Variants in CP observed in about 807,000 individuals in gnomAD.
The protein encoded by CP is ceruloplasmin.
Under a neutral mutation model 122.4 loss-of-function variants are expected in CP, and 64 were observed. That is an observed-to-expected ratio of 0.52 (90% CI 0.43 to 0.64). The LOEUF (loss-of-function observed/expected upper bound fraction) is 0.64. Among genes scored for constraint, CP ranks in the 30% least tolerant of loss-of-function variants. The pLI, the probability that CP is intolerant of heterozygous loss-of-function variation, is 0.00. For synonymous variants in CP, 440 were observed against 436.4 expected, an observed-to-expected ratio of 1.01 and a Z score of -0.10; for missense variants, 1,167 against 1,284.4, an observed-to-expected ratio of 0.91 and a Z score of 1.40.
In CP at chr3:149,187,367, ATT is replaced by A. The variant is rs745742479; in HGVS notation, c.1865-637_1865-636del. Among the ~76,000 whole-genome samples the A allele has an allele frequency of 1.7e-4, 26 of 152,324 alleles. No homozygotes were observed. In the East Asian group the frequency reaches 4.2e-3, roughly 25 times the overall value. On this transcript the variant is annotated intron_variant, in intron 10 of 18. Transcript: ENST00000264613. ...TGTTTTTCTTCTATTGGCTACAATA[ATT>A]TTTACTGATGTCCATTAGTGGTGTG...
intron 9 of CP, among the ~76,000 whole-genome samples, chr3:149,190,347 A>G (rs1450061642): frequency 6.6e-6 from 1 of 152,140 alleles, no homozygotes; most frequent in Admixed American, 6.5e-5. Context: ...CTCATGGATG[A>G]AATAAAATAG....
At chr3:149,215,236 G>A (rs565728170) in intron 1 of CP, among the ~76,000 whole-genome samples, 3 of 152,040 alleles carry the variant, frequency 2.0e-5, no homozygotes, top group South Asian at 4.1e-4. Flanking sequence ...GTCCTATTTT[G>A]ATAAACTATA....
At chr3:149,167,257 T>C (rs1436788767) in intron 4 of CP, 2 of 1,592,182 alleles carry the variant, frequency 1.3e-6, no homozygotes, top group Non-Finnish European at 1.7e-6. Flanking sequence ...TTTTTCAGAT[T>C]ATGTTTTTAG....
intron 5 of CP, chr3:149,165,826 CCATGTTGG>C (rs1283258990): frequency 3.0e-6 from 1 of 336,802 alleles, no homozygotes; most frequent in Admixed American, 3.9e-5. Flanking sequence ...CTATTTTCTC[CCATGTTGG>C]GAGACCTTTT....
At chr3:149,202,533 A>T (rs572796831) in intron 6 of CP, among the ~76,000 whole-genome samples, 1 of 152,012 alleles carries the variant, frequency 6.6e-6, no homozygotes, top group African/African-American at 2.4e-5. Flanking sequence ...TCTACCATAG[A>T]ATCTTTTTAT....
chr3:149,174,387 T>C (rs543283687), intron 18 of CP, among the ~76,000 whole-genome samples: 3 of 152,264 alleles, frequency 2.0e-5, no homozygotes, highest in East Asian at 3.9e-4. Flanking sequence ...TTAGGAAAGA[T>C]AGTTGTATGT....
intron 9 of CP, among the ~76,000 whole-genome samples, chr3:149,195,740 C>A (rs1418356331): frequency 6.6e-6 from 1 of 152,004 alleles, no homozygotes; most frequent in Admixed American, 6.6e-5. Context: ...GTGGCGGGCG[C>A]CTGTAGTCCC....
intron 6 of CP, among the ~76,000 whole-genome samples, chr3:149,202,591 T>A (rs1288107034): frequency 6.6e-6 from 1 of 150,458 alleles, no homozygotes; most frequent in Non-Finnish European, 1.5e-5. Context: ...TTTGTTGTTG[T>A]TGTTGTTGTT....
At chr3:149,188,560 G>A (rs1726343437) in intron 9 of CP, among the ~76,000 whole-genome samples, 1 of 147,296 alleles carries the variant, frequency 6.8e-6, no homozygotes, top group Non-Finnish European at 1.5e-5. Flanking sequence ...TGGAAATCAG[G>A]GAAGATTTCA....
At chr3:149,168,587 C>A (rs1027194145), downstream of CP, 3 of 152,182 alleles carry the variant, frequency 2.0e-5, no homozygotes, top group Non-Finnish European at 4.4e-5. Context: ...TAGAAATTGA[C>A]AGTGTTGAAA....
chr3:149,189,730 A>G (rs1726423515), intron 9 of CP, among the ~76,000 whole-genome samples: 1 of 152,180 alleles, frequency 6.6e-6, no homozygotes, highest in Non-Finnish European at 1.5e-5. Context: ...ATGTATAAGG[A>G]TTCCAACAGG....
At chr3:149,203,203 G>A (rs1727471503) in intron 6 of CP, among the ~76,000 whole-genome samples, 2 of 152,028 alleles carry the variant, frequency 1.3e-5, no homozygotes, top group African/African-American at 2.4e-5. Flanking sequence ...CACTGCGCCC[G>A]GCCCCAGTGG....
chr3:149,177,387 A>G (rs545857605), intron 17 of CP, among the ~76,000 whole-genome samples: 1 of 152,318 alleles, frequency 6.6e-6, no homozygotes, highest in African/African-American at 2.4e-5. Flanking sequence ...TAGTGTGTCA[A>G]TTGAAATTGC....
At chr3:149,187,126 T>TA (rs200299341) in intron 10 of CP, among the ~76,000 whole-genome samples, 43 of 149,364 alleles carry the variant, frequency 2.9e-4, no homozygotes, top group South Asian at 8.5e-4. Flanking sequence ...GTTCTAGATT[T>TA]AAAAAAAAAA....
intron 9 of CP, among the ~76,000 whole-genome samples, chr3:149,197,640 G>A (rs150473444): frequency 5.9e-5 from 9 of 152,268 alleles, no homozygotes; most frequent in African/African-American, 1.7e-4. Flanking sequence ...CCGGTTTCAC[G>A]GAAGACATTT....
chr3:149,174,793 A>G (rs1381430672), intron 18 of CP, among the ~76,000 whole-genome samples: 3 of 152,186 alleles, frequency 2.0e-5, no homozygotes, highest in Non-Finnish European at 4.4e-5. Flanking sequence ...GGCCAAAGAT[A>G]GTTCAAACTA....
intron 4 of CP, among the ~76,000 whole-genome samples, chr3:149,208,749 C>A (rs912188833): frequency 6.6e-6 from 1 of 151,998 alleles, no homozygotes; most frequent in African/African-American, 2.4e-5. Context: ...AATGTAGAAA[C>A]GAATGATGCA....
At position 149,221,671 on chromosome 3, in the gene CP, T is replaced by A. The variant is rs887626377; in HGVS notation, c.122A>T (p.Glu41Val). 6.2e-7 allele frequency: 1 copy of A among 1,612,058 alleles called. No homozygotes were observed. Among genetic ancestry groups the A allele is most frequent in the Middle Eastern group, 1.7e-4 (1 of 6,052 alleles). ...TTWDYASDHG[E>V]KKLISVDTEH... ...CGTGTCAACAGAAATAAGTTTCTTT[T>A]CCCCATGGTCAGAGGCATAATCCCA... The change falls in exon 1 of 19, where the codon GAA becomes GTA. Residue 41 changes from glutamate (E) to valine (V), a missense_variant. By Grantham distance (121) the Glu-to-Val change is moderately radical. This residue lies in a region of CP where 642 missense variants were observed against 627.3 expected (regional missense o/e 1.02). Coordinates refer to ENST00000264613, the MANE Select transcript of CP (RefSeq NM_000096.4).
intron 1 of CP, among the ~76,000 whole-genome samples, chr3:149,221,404 G>A (rs1035262512): frequency 2.0e-5 from 3 of 152,068 alleles, no homozygotes; most frequent in Non-Finnish European, 2.9e-5. Context: ...ATGCAGTTAC[G>A]ACCATGGGAG....
Sources: allele counts gnomAD v4.1 joint callset (sites outside exome capture counted in the v4.1 genomes callset), GRCh38; gene constraint gnomAD v4.1.1; regional missense constraint gnomAD v4.1.1; transcripts MANE v1.5; gene names NCBI Gene and HGNC (gene_info 2026-07-23, HGNC 2026-07-21).